CDC42BPA: variants seen among roughly 807,000 people sequenced by gnomAD.
The protein encoded by CDC42BPA is serine/threonine-protein kinase MRCK alpha.
A neutral mutation model predicts 223.5 loss-of-function variants in CDC42BPA; 80 were observed. The ratio of observed to expected loss-of-function variants is 0.36; its 90% CI spans 0.30 to 0.43. CDC42BPA has a LOEUF of 0.43. Ranked by LOEUF, CDC42BPA falls within the 20% of genes least tolerant of loss-of-function variation. The probability of loss-of-function intolerance (pLI) is 1.00; values close to 1 mark genes in which losing one functional copy is unlikely to be tolerated. For missense variants in CDC42BPA, 1,743 were observed against 2,099.9 expected (o/e 0.83, Z 3.32); for synonymous variants, 694 against 718.6 (o/e 0.97, Z 0.55).
chr1:227,120,962 C>G (rs1558541963), intron 11 of CDC42BPA, among the ~76,000 whole-genome samples: 1 of 152,168 alleles, frequency 6.6e-6, no homozygotes, highest in Admixed American at 6.5e-5. Flanking sequence ...AACCTAGATC[C>G]CTCGCATGAG....
intron 3 of CDC42BPA, among the ~76,000 whole-genome samples, chr1:227,207,136 T>C (rs1475917254): frequency 1.6e-5 from 2 of 126,972 alleles, no homozygotes; most frequent in African/African-American, 3.0e-5. Flanking sequence ...CCTGTGTCCA[T>C]GTGTTCTCAT....
chr1:226,995,471 C>T (rs978745101), intron 35 of CDC42BPA, among the ~76,000 whole-genome samples: 3 of 151,770 alleles, frequency 2.0e-5, no homozygotes, highest in Non-Finnish European at 4.4e-5. Context: ...AAAACAGATG[C>T]GCTAAATGAG....
At chr1:227,172,610 AC>A (rs1457738378) in intron 5 of CDC42BPA, among the ~76,000 whole-genome samples, 3 of 152,118 alleles carry the variant, frequency 2.0e-5, no homozygotes, top group Non-Finnish European at 4.4e-5. Flanking sequence ...TGCAGATTAA[AC>A]CACTGCCCAC....
intron 5 of CDC42BPA, among the ~76,000 whole-genome samples, chr1:227,166,925 A>G (rs1665144201): frequency 6.6e-6 from 1 of 152,180 alleles, no homozygotes; most frequent in Non-Finnish European, 1.5e-5. Context: ...GAATAGCAAG[A>G]GCTCTCTAGT....
intron 2 of CDC42BPA, among the ~76,000 whole-genome samples, chr1:227,222,136 G>T (rs143164647): frequency 6.6e-6 from 1 of 151,576 alleles, no homozygotes; most frequent in Non-Finnish European, 1.5e-5. Context: ...GGGAGGCTGA[G>T]ATGGGAGCTT....
At chr1:227,083,045 T>C (rs1681043991) in intron 16 of CDC42BPA, among the ~76,000 whole-genome samples, 1 of 152,100 alleles carries the variant, frequency 6.6e-6, no homozygotes, top group African/African-American at 2.4e-5. Flanking sequence ...ATTAATTATT[T>C]CACTTTTAGG....
rs536647699 is a variant in CDC42BPA at position 227,198,942 on chromosome 1, G to T, written c.450+615C>A. On this transcript the variant is annotated intron_variant, in intron 4 of 36. Transcript: ENST00000366766. Reference sequence around the variant, plus strand: ...TTTTTGTATTTTTAGTAGAGACGGGGTTTCACCGTGTTAGCTAGGATGGTC... The same window carrying T: ...TTTTTGTATTTTTAGTAGAGACGGGTTTTCACCGTGTTAGCTAGGATGGTC... Among the ~76,000 whole-genome samples, 342 of 152,094 alleles carry T rather than the reference G, an allele frequency of 2.2e-3. 2 individuals are homozygous for T. The highest frequency in any genetic ancestry group is 2.8e-3 in the Non-Finnish European group (190 of 68,000).
intron 16 of CDC42BPA, 35 bp downstream of exon 16, chr1:227,091,851 G>T: frequency 4.4e-6 from 5 of 1,131,050 alleles, no homozygotes; most frequent in Non-Finnish European, 6.6e-6. Context: ...CATCTAGCAT[G>T]TACTACTCAA....
chr1:227,097,537 T>A (rs1305403299), intron 15 of CDC42BPA, among the ~76,000 whole-genome samples: 1 of 152,132 alleles, frequency 6.6e-6, no homozygotes, highest in Admixed American at 6.5e-5. Flanking sequence ...GTTGTTAAAC[T>A]GTCTCTCTAA....
intron 2 of CDC42BPA, among the ~76,000 whole-genome samples, chr1:227,251,947 T>C (rs919571164): frequency 3.9e-5 from 6 of 152,070 alleles, no homozygotes; most frequent in Non-Finnish European, 8.8e-5. Context: ...TTTAAATTCA[T>C]AGATCAAAAA....
intron 2 of CDC42BPA, chr1:227,234,264 C>T (rs2718216): frequency 0.098 from 14,894 of 152,128 alleles, 1,168 homozygotes; most frequent in East Asian, 0.36. Context: ...CTCCATAATG[C>T]CAACATGAGC....
At chr1:227,185,816 T>A (rs1668689617) in intron 5 of CDC42BPA, among the ~76,000 whole-genome samples, 2 of 151,704 alleles carry the variant, frequency 1.3e-5, no homozygotes, top group Admixed American at 1.3e-4. Flanking sequence ...CAGAGCCGTA[T>A]CACAATGATA....
chr1:227,192,362 T>A (rs972724043), intron 5 of CDC42BPA, among the ~76,000 whole-genome samples: 3 of 152,176 alleles, frequency 2.0e-5, no homozygotes, highest in Non-Finnish European at 4.4e-5. Flanking sequence ...TGGCAACTTG[T>A]TAGAGATGGC....
chr1:227,051,922 A>C lies in CDC42BPA; in HGVS notation c.2968T>G (p.Ser990Ala), dbSNP rs1161198809. 2.9e-6 allele frequency: 4 copies of C among 1,366,394 alleles called. No individual in the cohort carries two copies. Among genetic ancestry groups the C allele is most frequent in the Non-Finnish European group, 3.9e-6 (4 of 1,021,798 alleles). 84.6% of individuals were successfully genotyped at this position (1,366,394 alleles called of 1,614,324 possible). A position where few individuals can be genotyped will look rare whatever the true frequency, so the allele number is the denominator to read the frequency against. The stretch of plus-strand genomic sequence containing the variant: ...TCACTAGATGTGGAAGGAGATGTGG[A>C]CCGTGACTGGATGTGAAACTTGACG... ...PSVKFHIQSR[S>A]TSPSTSSEAE... Residue 990 changes from serine to alanine, a missense_variant, in exon 22 of 37, where the codon TCC becomes GCC. Around this residue, in one of 6 missense-constraint regions of CDC42BPA, gnomAD observed 678 missense variants for 777.5 expected, o/e 0.87. Transcript: ENST00000366766.
chr1:227,188,091 TAAGTG>T (rs1225325765), intron 5 of CDC42BPA, among the ~76,000 whole-genome samples: 11 of 152,152 alleles, frequency 7.2e-5, no homozygotes, highest in African/African-American at 2.6e-4. Flanking sequence ...AGAGAATGAA[TAAGTG>T]AAGGTAAAAT....
chr1:227,183,390 G>GTT (rs1668266194), intron 5 of CDC42BPA: 1 of 152,154 alleles, frequency 6.6e-6, no homozygotes, highest in East Asian at 1.9e-4. Context: ...TTATTCATCT[G>GTT]TTCTCTATCT....
At chr1:227,308,922 CAT>C (rs1304831528) in intron 1 of CDC42BPA, among the ~76,000 whole-genome samples, 11 of 152,292 alleles carry the variant, frequency 7.2e-5, no homozygotes, top group South Asian at 2.1e-4. Context: ...AAAGTTAACA[CAT>C]GATTGCACAT....
At chr1:227,263,550 A>C (rs1314858862) in intron 1 of CDC42BPA, among the ~76,000 whole-genome samples, 1 of 150,768 alleles carries the variant, frequency 6.6e-6, no homozygotes, top group Non-Finnish European at 1.5e-5. Flanking sequence ...TACAAGACAA[A>C]CCTTGCTGAT....
chr1:227,276,100 C>T (rs1221392344), intron 1 of CDC42BPA, among the ~76,000 whole-genome samples: 1 of 151,538 alleles, frequency 6.6e-6, no homozygotes, highest in South Asian at 2.1e-4. Flanking sequence ...GCCCGGCCGC[C>T]CAGTCTGGGA....
Sources: gnomAD v4.1 joint callset for allele counts (sites outside exome capture counted in the v4.1 genomes callset) on GRCh38, gnomAD v4.1.1 for gene constraint, gnomAD v4.1.1 regional missense constraint, MANE v1.5 for transcripts, NCBI Gene and HGNC (gene_info 2026-07-23, HGNC 2026-07-21) for gene names.